The following SH2D1B variants were observed in gnomAD, a reference collection of about 807,000 sequenced individuals.
SH2D1B encodes the protein SH2 domain-containing protein 1B.
SH2D1B carries 11 observed loss-of-function variants against 16.3 expected under a neutral mutation model. That is an observed-to-expected ratio of 0.67 (90% CI 0.42 to 1.11). The LOEUF (loss-of-function observed/expected upper bound fraction) is 1.11, where lower values mean the gene tolerates loss of function less well. SH2D1B is among the 50% of genes most tolerant of loss of function. The pLI, the probability that SH2D1B is intolerant of heterozygous loss-of-function variation, is 0.00. For missense variants in SH2D1B, 123 were observed against 153.1 expected, an observed-to-expected ratio of 0.80 and a Z score of 1.04; for synonymous variants, 55 against 56.1, an observed-to-expected ratio of 0.98 and a Z score of 0.09.
In SH2D1B at chr1:162,398,470, G is replaced by A. The variant is rs907613978; in HGVS notation, c.363+453C>T. ...CTGACCATCTCTCATTTTCCACTACGGCTTAATGCCTTTAAAAATGTATCT... is the reference window on the plus strand; with the variant it reads ...CTGACCATCTCTCATTTTCCACTACAGCTTAATGCCTTTAAAAATGTATCT... On this transcript the variant is annotated intron_variant, in intron 3 of 3. Coordinates refer to ENST00000367929, the MANE Select transcript of SH2D1B (RefSeq NM_053282.5). 5.3e-5 allele frequency among the ~76,000 whole-genome samples: 8 copies of A among 152,182 alleles called. No individual in the cohort carries two copies. The South Asian group carries it at 8.3e-4, about 16-fold the overall frequency.
rs748534742 is a variant in SH2D1B, at chr1:162,402,731, G to C, written c.198+8C>G. On this transcript the variant is annotated splice_region_variant and intron_variant, in intron 2 of 3. Coordinates refer to ENST00000367929, the MANE Select transcript of SH2D1B (RefSeq NM_053282.5). ...TGTTGTTGTTGTTGTCGTCCTTTTTGTTCTTACCTGTATCCTGTAATACCC... is the reference window on the plus strand; with the variant it reads ...TGTTGTTGTTGTTGTCGTCCTTTTTCTTCTTACCTGTATCCTGTAATACCC... The C allele has an allele frequency of 6.2e-7, 1 of 1,610,838 alleles. No homozygotes were observed. The highest frequency in any genetic ancestry group is 8.5e-7 in the Non-Finnish European group (1 of 1,177,440).
At chr1:162,408,233 T>C (rs1282965882) in intron 1 of SH2D1B, among the ~76,000 whole-genome samples, 2 of 152,014 alleles carry the variant, frequency 1.3e-5, no homozygotes, top group Non-Finnish European at 2.9e-5. Flanking sequence ...TATGAGGAGA[T>C]AGCTTCAGGG....
chr1:162,402,497 G>T (rs1025534781), intron 2 of SH2D1B: 3 of 341,626 alleles, frequency 8.8e-6, no homozygotes, highest in South Asian at 5.8e-5. Context: ...CAGCCTGGAC[G>T]ACAGAGCGAG....
intron 2 of SH2D1B, among the ~76,000 whole-genome samples, chr1:162,400,286 C>CTTT (rs1241054289): frequency 0.012 from 980 of 83,286 alleles, 8 homozygotes; most frequent in Middle Eastern, 0.023. Context: ...ACACCACGTA[C>CTTT]TTTTTTTTTT....
intron 1 of SH2D1B, among the ~76,000 whole-genome samples, chr1:162,408,598 T>TAGAG (rs1274081349): frequency 2.0e-5 from 3 of 151,914 alleles, no homozygotes; most frequent in African/African-American, 7.3e-5. Flanking sequence ...GTATTTTTAG[T>TAGAG]AGAGACAGAG....
At chr1:162,400,819 G>A (rs139953958) in intron 2 of SH2D1B, among the ~76,000 whole-genome samples, 6,496 of 151,942 alleles carry the variant, frequency 0.043, 261 homozygotes, top group South Asian at 0.1. Flanking sequence ...CATGGTAGCA[G>A]ACGCCTGTAA....
In SH2D1B at chr1:162,396,379, C is replaced by T. The variant is rs967666733; in HGVS notation, c.*901G>A. 1 of 152,178 alleles carries T rather than the reference C, an allele frequency of 6.6e-6. No homozygotes were observed. The highest frequency in any genetic ancestry group is 1.5e-5 in the Non-Finnish European group (1 of 68,044). The allele number at this position is 152,178 out of a possible 1,614,324, so 9.4% of individuals were successfully genotyped here. ...CAAACCTCCCTCAGCAATGTGCTTC[C>T]AGTCAGTTTCTATGAACTAGGCACA... On this transcript the variant is annotated 3_prime_UTR_variant, in exon 4 of 4. Transcript: ENST00000367929.
In SH2D1B at chr1:162,400,175, T is replaced by G. The variant is rs548093055; in HGVS notation, c.199-1088A>C. Among the ~76,000 whole-genome samples, 8 of 152,076 alleles carry G rather than the reference T, an allele frequency of 5.3e-5. No homozygotes were observed. The East Asian group carries it at 1.3e-3, about 26-fold the overall frequency. On this transcript the variant is annotated intron_variant, in intron 2 of 3. Transcript: ENST00000367929. ...ACTTGATGAATTCACAATCTCCATG[T>G]GGGCAAAACAAAACCAAAAAAGTCC...
chr1:162,404,046 C>T (rs576402439), intron 1 of SH2D1B, among the ~76,000 whole-genome samples: 2 of 152,180 alleles, frequency 1.3e-5, no homozygotes, highest in South Asian at 2.1e-4. Flanking sequence ...CCATATATTA[C>T]GTTCTTAGGC....
intron 2 of SH2D1B, among the ~76,000 whole-genome samples, chr1:162,401,438 A>G (rs1254302520): frequency 6.6e-6 from 1 of 151,988 alleles, no homozygotes; most frequent in Non-Finnish European, 1.5e-5. Context: ...TTTCACCCAC[A>G]CCCCAATGTT....
chr1:162,411,939 G>T lies in SH2D1B; in HGVS notation c.78C>A (p.Gly26=), dbSNP rs749747291. Residue 26 remains glycine, a synonymous_variant, in exon 1 of 4, where the codon GGC becomes GGA. Transcript: ENST00000367929. ...ACTCGCTGTCTCTTAAAAGAAAGTT[G>T]CCATCCACCCCTTCCTTGAGCAGCA... is the stretch of plus-strand genomic sequence containing the variant. ...ETLLLKEGVD[G]NFLLRDSESI... 4 of 1,614,154 alleles carry T rather than the reference G, an allele frequency of 2.5e-6. No homozygotes were observed. In the East Asian group the frequency reaches 6.7e-5, roughly 27 times the overall value.
intron 1 of SH2D1B, among the ~76,000 whole-genome samples, chr1:162,409,786 G>C (rs1405493456): frequency 6.6e-6 from 1 of 152,042 alleles, no homozygotes; most frequent in East Asian, 1.9e-4. Flanking sequence ...ATGTTGGCCA[G>C]GCTGGTCTTG....
In SH2D1B at chr1:162,412,113, T is replaced by C; in HGVS notation, c.-97A>G. The C allele has an allele frequency of 2.0e-6, 3 of 1,503,024 alleles. No homozygotes were observed. Among genetic ancestry groups the C allele is most frequent in the South Asian group, 2.4e-5 (2 of 84,644 alleles). 93.1% of individuals were successfully genotyped at this position (1,503,024 alleles called of 1,614,324 possible). A position where few individuals can be genotyped will look rare whatever the true frequency, so the allele number is the denominator to read the frequency against. On this transcript the variant is annotated 5_prime_UTR_variant, in exon 1 of 4. Coordinates refer to ENST00000367929, the MANE Select transcript of SH2D1B (RefSeq NM_053282.5). ...GGAGAGATGTGTAAGCAGCTGTACC[T>C]CCTGTGGAGCTACCTCTTCCTCTAG...
In SH2D1B at chr1:162,396,159, A is replaced by T. The variant is rs1648369874; in HGVS notation, c.*1121T>A. On this transcript the variant is annotated 3_prime_UTR_variant, in exon 4 of 4. Coordinates refer to ENST00000367929, the MANE Select transcript of SH2D1B (RefSeq NM_053282.5). ...CTGTTCATCTGTTCATATTACCTCTAAGTCGAGAGCTCCTCTCTTTTAAAA... is the reference window on the plus strand; with the variant it reads ...CTGTTCATCTGTTCATATTACCTCTTAGTCGAGAGCTCCTCTCTTTTAAAA... 6.6e-6 allele frequency: 1 copy of T among 152,208 alleles called. No homozygotes were observed. The highest frequency in any genetic ancestry group is 1.5e-5 in the Non-Finnish European group (1 of 68,028). The allele number at this position is 152,208 out of a possible 1,614,324, so 9.4% of individuals were successfully genotyped here.
intron 2 of SH2D1B, among the ~76,000 whole-genome samples, chr1:162,401,743 A>G (rs1571272361): frequency 6.6e-6 from 1 of 152,204 alleles, no homozygotes; most frequent in Non-Finnish European, 1.5e-5. Context: ...GAAAAATAGT[A>G]TAAGTGAGGT....
At chr1:162,410,845 G>A (rs1319865092) in intron 1 of SH2D1B, among the ~76,000 whole-genome samples, 4 of 151,440 alleles carry the variant, frequency 2.6e-5, no homozygotes, top group East Asian at 1.9e-4. Context: ...TAGTAGAGAC[G>A]GGGTTTCTTC....
At chr1:162,403,877 G>C (rs2101861223) in intron 1 of SH2D1B, among the ~76,000 whole-genome samples, 1 of 152,020 alleles carries the variant, frequency 6.6e-6, no homozygotes, top group African/African-American at 2.4e-5. Context: ...CTCATACGTG[G>C]CATCTAAAAA....
intron 1 of SH2D1B, among the ~76,000 whole-genome samples, chr1:162,408,130 T>C (rs1648692795): frequency 6.6e-6 from 1 of 152,232 alleles, no homozygotes; most frequent in Admixed American, 6.5e-5. Flanking sequence ...TCTAGCACAC[T>C]GTCTGACATA....
At position 162,398,930 on chromosome 1, in the gene SH2D1B, G is replaced by C. The variant is rs747946218; in HGVS notation, c.356C>G (p.Thr119Arg). 6.2e-7 allele frequency: 1 copy of C among 1,610,726 alleles called. No individual in the cohort carries two copies. The highest frequency in any genetic ancestry group is 8.5e-7 in the Non-Finnish European group (1 of 1,177,744). The change falls in exon 3 of 4, where the codon ACA (threonine) becomes AGA (arginine). Residue 119 changes from threonine (T) to arginine (R), a missense_variant. By Grantham distance (71) the Thr-to-Arg change is moderately conservative. Transcript: ENST00000367929. The stretch of plus-strand genomic sequence containing the variant: ...CCACGTGAGAGATTTTACCACAAAT[G>C]TTTCCAACTCTAATTTCAATCCTCT... ...RWRGLKLELETFVNSNSDYVD... is the reference protein window; with the variant it reads ...RWRGLKLELERFVNSNSDYVD...
Sources: gnomAD v4.1 joint callset for allele counts (sites outside exome capture counted in the v4.1 genomes callset) on GRCh38, gnomAD v4.1.1 for gene constraint, MANE v1.5 for transcripts, NCBI Gene and HGNC (gene_info 2026-07-23, HGNC 2026-07-21) for gene names.